NCOA2: variants seen among roughly 807,000 people sequenced by gnomAD.
NCOA2 encodes the protein nuclear receptor coactivator 2, also known as class E basic helix-loop-helix protein 75.
Under a neutral mutation model 145.1 loss-of-function variants are expected in NCOA2, and 21 were observed. The ratio of observed to expected loss-of-function variants is 0.14; its 90% CI spans 0.10 to 0.21. The LOEUF is 0.21. Among genes scored for constraint, NCOA2 ranks in the 10% least tolerant of loss-of-function variants. The pLI is 1.00. For missense variants in NCOA2, 1,472 were observed against 1,837.6 expected (o/e 0.80, Z 3.64); for synonymous variants, 619 against 637.5 (o/e 0.97, Z 0.44).
At chr8:70,191,339 C>T (rs1816650276) in intron 4 of NCOA2, among the ~76,000 whole-genome samples, 1 of 152,166 alleles carries the variant, frequency 6.6e-6, no homozygotes, top group Non-Finnish European at 1.5e-5. Context: ...ACTCAAATGT[C>T]CACCTGGTTA....
At chr8:70,243,679 T>C (rs958675526) in intron 2 of NCOA2, among the ~76,000 whole-genome samples, 7 of 151,740 alleles carry the variant, frequency 4.6e-5, no homozygotes, top group African/African-American at 1.5e-4. Context: ...ATGGTGCTAG[T>C]GCTTTCTGGG....
At chr8:70,218,230 T>G (rs1333348705) in intron 2 of NCOA2, among the ~76,000 whole-genome samples, 3 of 148,488 alleles carry the variant, frequency 2.0e-5, no homozygotes, top group African/African-American at 7.6e-5. Flanking sequence ...AAGAGTCATA[T>G]GTAAGCAGAA....
At chr8:70,181,719 T>C (rs1815501404) in intron 4 of NCOA2, among the ~76,000 whole-genome samples, 1 of 152,246 alleles carries the variant, frequency 6.6e-6, no homozygotes, top group Non-Finnish European at 1.5e-5. Flanking sequence ...TACGAATTTT[T>C]CAGTAGACTG....
intron 1 of NCOA2, among the ~76,000 whole-genome samples, chr8:70,314,449 G>C (rs1416610240): frequency 6.6e-6 from 1 of 151,888 alleles, no homozygotes; most frequent in African/African-American, 2.4e-5. Context: ...AGCATATTTT[G>C]GAAGGTCACA....
intron 4 of NCOA2, among the ~76,000 whole-genome samples, chr8:70,198,843 G>A (rs1428973518): frequency 3.3e-5 from 5 of 152,134 alleles, no homozygotes; most frequent in African/African-American, 9.7e-5. Context: ...GAAGGCAGAG[G>A]AGAAAACGGG....
At chr8:70,382,426 G>A (rs1812284822) in intron 1 of NCOA2, among the ~76,000 whole-genome samples, 1 of 151,532 alleles carries the variant, frequency 6.6e-6, no homozygotes, top group Non-Finnish European at 1.5e-5. Context: ...GTTTCCACAA[G>A]GAAGAAAGAG....
rs907578652 is a variant in NCOA2, at chr8:70,113,399, G to A, written c.*233C>T. The stretch of plus-strand genomic sequence containing the variant: ...TAAGTTGCACTAAGGTGAATGCAGT[G>A]AACAGACTGAGCGACTGTCTGGATG... On this transcript the variant is annotated 3_prime_UTR_variant, in exon 23 of 23. Transcript: ENST00000452400. The A allele has an allele frequency of 1.7e-6, 1 of 590,642 alleles. No homozygotes were observed. Among genetic ancestry groups the A allele is most frequent in the African/African-American group, 1.9e-5 (1 of 53,872 alleles). 36.6% of individuals were successfully genotyped at this position (590,642 alleles called of 1,614,324 possible).
chr8:70,148,319 G>C lies in NCOA2; in HGVS notation c.2559C>G (p.Val853=). 1 of 1,613,980 alleles carries C rather than the reference G, an allele frequency of 6.2e-7. No individual in the cohort carries two copies. The highest frequency in any genetic ancestry group is 1.1e-5 in the South Asian group (1 of 91,054). ...CTGTTTTCTGGGCTCCAACAGGTGTGACAGGGCTGTTTTCAGCTGTGAGTT... is the reference window on the plus strand; with the variant it reads ...CTGTTTTCTGGGCTCCAACAGGTGTCACAGGGCTGTTTTCAGCTGTGAGTT... The part of the protein sequence containing the change: ...LMQLTAENSP[V]TPVGAQKTAL... Residue 853 remains valine (V), a synonymous_variant, in exon 12 of 23, where the codon GTC becomes GTG. Coordinates refer to ENST00000452400, the MANE Select transcript of NCOA2 (RefSeq NM_006540.4).
intron 2 of NCOA2, among the ~76,000 whole-genome samples, chr8:70,253,499 T>C (rs191081122): frequency 3.1e-3 from 478 of 152,194 alleles, no homozygotes; most frequent in African/African-American, 0.01. Context: ...AGTTAGGAAG[T>C]GTGCAATATC....
chr8:70,284,753 A>G (rs1220567269), intron 2 of NCOA2, among the ~76,000 whole-genome samples: 2 of 152,038 alleles, frequency 1.3e-5, no homozygotes, highest in Non-Finnish European at 2.9e-5. Flanking sequence ...GTATCATGAG[A>G]TTGTTAGGAA....
chr8:70,282,686 C>CAAAAA (rs550448805), intron 2 of NCOA2, among the ~76,000 whole-genome samples: 7 of 97,250 alleles, frequency 7.2e-5, no homozygotes, highest in South Asian at 5.7e-4. Context: ...AAAACTGCCT[C>CAAAAA]AAAAAAAAAA....
chr8:70,147,587 A>C (rs1811246749), intron 12 of NCOA2, among the ~76,000 whole-genome samples: 1 of 152,254 alleles, frequency 6.6e-6, no homozygotes, highest in African/African-American at 2.4e-5. Context: ...TCAAGTTTGT[A>C]AACTGAGTGT....
At chr8:70,146,558 T>C (rs1331802019) in intron 12 of NCOA2, among the ~76,000 whole-genome samples, 1 of 152,256 alleles carries the variant, frequency 6.6e-6, no homozygotes, top group Non-Finnish European at 1.5e-5. Context: ...TGCTTAATCA[T>C]GACTTCCTCA....
chr8:70,266,956 G>A (rs957242872), intron 2 of NCOA2, among the ~76,000 whole-genome samples: 2 of 152,130 alleles, frequency 1.3e-5, no homozygotes, highest in Non-Finnish European at 2.9e-5. Context: ...TGTGTTTAGG[G>A]TTCAACATTC....
Position 70,123,879 on chromosome 8 carries a change from C to G in NCOA2, c.4293+5G>C. On this transcript the variant is annotated splice_donor_5th_base_variant and intron_variant, in intron 21 of 22. Transcript: ENST00000452400. ...CCACTGGGTTGCTTCTCCTTGGGCA[C>G]TCACCTGCTCGGGACCCATGGAGGA... is the stretch of plus-strand genomic sequence containing the variant. The G allele has an allele frequency of 6.3e-7, 1 of 1,598,806 alleles. No individual in the cohort carries two copies. Among genetic ancestry groups the G allele is most frequent in the Non-Finnish European group, 8.5e-7 (1 of 1,169,968 alleles).
At chr8:70,130,894 A>C (rs1809019191) in intron 16 of NCOA2, among the ~76,000 whole-genome samples, 1 of 152,170 alleles carries the variant, frequency 6.6e-6, no homozygotes, top group Non-Finnish European at 1.5e-5. Context: ...GCTTCACACA[A>C]AGTTAGCTGT....
At chr8:70,377,883 C>CAAGGA (rs938766465) in intron 1 of NCOA2, among the ~76,000 whole-genome samples, 15 of 151,952 alleles carry the variant, frequency 9.9e-5, no homozygotes, top group African/African-American at 3.4e-4. Flanking sequence ...TTTTGTTTCC[C>CAAGGA]AAGGAAATGA....
intron 1 of NCOA2, among the ~76,000 whole-genome samples, chr8:70,380,533 T>C (rs943676088): frequency 1.3e-5 from 2 of 152,176 alleles, no homozygotes; most frequent in Non-Finnish European, 2.9e-5. Flanking sequence ...TTTCAGACAC[T>C]GTGCAAGGCA....
At chr8:70,225,127 G>A (rs1820502610) in intron 2 of NCOA2, among the ~76,000 whole-genome samples, 1 of 152,148 alleles carries the variant, frequency 6.6e-6, no homozygotes, top group East Asian at 1.9e-4. Context: ...AGTTATTGGA[G>A]AATATAGCAA....
Sources: allele counts gnomAD v4.1 joint callset (sites outside exome capture counted in the v4.1 genomes callset), GRCh38; gene constraint gnomAD v4.1.1; transcripts MANE v1.5; gene names NCBI Gene and HGNC (gene_info 2026-07-23, HGNC 2026-07-21).